PWP1: variants seen among roughly 807,000 people sequenced by gnomAD.
PWP1 encodes the protein PWP1 homolog, endonuclein, also known as periodic tryptophan protein 1 homolog.
Under a neutral mutation model 69.9 loss-of-function variants are expected in PWP1, and 47 were observed. The observed-to-expected ratio is 0.67, with a 90% CI of 0.53 to 0.86. The LOEUF (loss-of-function observed/expected upper bound fraction) is 0.86. PWP1 is among the 40% of genes least tolerant of loss of function. The pLI is 0.00. For missense variants in PWP1, 551 were observed against 608.8 expected (o/e 0.91, Z 1.00); for synonymous variants, 222 against 208.2 (o/e 1.07, Z -0.57).
rs1261719492 is a variant in PWP1 at position 107,709,212 on chromosome 12, C to A, written c.1270C>A (p.His424Asn). The change falls in exon 13 of 15, where the codon CAT becomes AAT. Residue 424 changes from histidine (H) to asparagine (N), a missense_variant. Coordinates refer to ENST00000412830, the MANE Select transcript of PWP1 (RefSeq NM_007062.3). Reference protein sequence around the residue: ...DILGDRPSLVHSRDMKMGVLF... With the variant: ...DILGDRPSLVNSRDMKMGVLF... Reference sequence around the variant, plus strand: ...CTTAGGAGATAGGCCAAGTCTAGTTCATTCTAGGGACATGAAAATGGTAAG... The same window carrying A: ...CTTAGGAGATAGGCCAAGTCTAGTTAATTCTAGGGACATGAAAATGGTAAG... The A allele has an allele frequency of 3.1e-6, 5 of 1,613,580 alleles. No individual in the cohort carries two copies. In the African/African-American group the frequency reaches 5.3e-5, roughly 17 times the overall value.
intron 11 of PWP1, among the ~76,000 whole-genome samples, chr12:107,707,232 T>C (rs1889841619): frequency 6.6e-6 from 1 of 152,208 alleles, no homozygotes; most frequent in Non-Finnish European, 1.5e-5. Flanking sequence ...CTTGTGATTT[T>C]TGCACATTGA....
intron 11 of PWP1, among the ~76,000 whole-genome samples, chr12:107,705,846 CACATATGCACATACGTGT>C (rs142712012): frequency 0.18 from 28,023 of 151,840 alleles, 3,593 homozygotes; most frequent in East Asian, 0.53. Flanking sequence ...TATGTATGTG[CACATATGCACATACGTGT>C]GCATGTGTCT....
At chr12:107,707,924 TA>T (rs748276050) in intron 11 of PWP1, among the ~76,000 whole-genome samples, 24 of 152,248 alleles carry the variant, frequency 1.6e-4, no homozygotes, top group Non-Finnish European at 2.5e-4. Context: ...TAAAATGAGT[TA>T]GGGGGGAAAG....
rs533286520 is a variant in PWP1, at chr12:107,696,901, T to TCACA, written c.613+317_613+318insCACA. On this transcript the variant is annotated intron_variant, in intron 6 of 14. Coordinates refer to ENST00000412830, the MANE Select transcript of PWP1 (RefSeq NM_007062.3). ...TATAAATGGCCTGATATGTGAGATG[T>TCACA]TACCAGCTAGAGTTCAGTGGCATAA... Among the ~76,000 whole-genome samples, 130 of 152,276 alleles carry TCACA rather than the reference T, an allele frequency of 8.5e-4. 3 individuals carry two copies. The South Asian group carries it at 0.027, about 31-fold the overall frequency.
intron 8 of PWP1, among the ~76,000 whole-genome samples, chr12:107,700,978 C>T (rs1355556721): frequency 6.6e-6 from 1 of 152,190 alleles, no homozygotes; most frequent in Non-Finnish European, 1.5e-5. Flanking sequence ...AATCCCCCCG[C>T]CTCAGCTTCC....
intron 8 of PWP1, among the ~76,000 whole-genome samples, chr12:107,700,154 T>C (rs1317706035): frequency 6.6e-6 from 1 of 152,184 alleles, no homozygotes; most frequent in South Asian, 2.1e-4. Context: ...ACATGGGAAT[T>C]ATGGGAGCTA....
chr12:107,704,958 G>A (rs570811911), intron 11 of PWP1, among the ~76,000 whole-genome samples: 8 of 152,038 alleles, frequency 5.3e-5, no homozygotes, highest in East Asian at 3.9e-4. Flanking sequence ...GCTGGTTGCC[G>A]GCCATTCCAA....
At chr12:107,712,076 T>C (rs765454711) in intron 14 of PWP1, 35 bp from the exon 15 acceptor site, 6 of 1,526,040 alleles carry the variant, frequency 3.9e-6, no homozygotes, top group Middle Eastern at 1.7e-4. Flanking sequence ...AATTTCCTGA[T>C]CTGTTAGTTT....
chr12:107,695,408 T>C (rs1223586179), intron 5 of PWP1, among the ~76,000 whole-genome samples: 1 of 152,252 alleles, frequency 6.6e-6, no homozygotes, highest in East Asian at 1.9e-4. Context: ...TACACAAATC[T>C]GCTAATCCCA....
chr12:107,709,101 C>A lies in PWP1; in HGVS notation c.1169-10C>A. The A allele has an allele frequency of 6.2e-7, 1 of 1,613,844 alleles. No individual in the cohort carries two copies. The highest frequency in any genetic ancestry group is 1.1e-5 in the South Asian group (1 of 91,068). ...TCAAAGCGAAAGTGTCTAAACTTAT[C>A]TTCCTTTAGGTCTTGATCTTAGCAG... On this transcript the variant is annotated splice_polypyrimidine_tract_variant and intron_variant, in intron 12 of 14. Coordinates refer to ENST00000412830, the MANE Select transcript of PWP1 (RefSeq NM_007062.3).
At chr12:107,701,587 GA>G (rs547626721) in intron 8 of PWP1, among the ~76,000 whole-genome samples, 11 of 152,250 alleles carry the variant, frequency 7.2e-5, no homozygotes, top group African/African-American at 2.6e-4. Context: ...TGAAGTCTAT[GA>G]TCCATTTTGA....
At chr12:107,709,255 G>GT in intron 13 of PWP1, 23 bp downstream of exon 13, 1 of 1,606,332 alleles carries the variant, frequency 6.2e-7, no homozygotes, top group Non-Finnish European at 8.5e-7. Flanking sequence ...CTGGGTATCT[G>GT]TTTTTTATTT....
intron 9 of PWP1, among the ~76,000 whole-genome samples, 194 bp from the exon 10 acceptor site, chr12:107,703,491 C>T (rs1278785641): frequency 1.3e-5 from 2 of 152,164 alleles, no homozygotes; most frequent in Non-Finnish European, 2.9e-5. Context: ...ACTACATTTT[C>T]TTTAAGTGCC....
At chr12:107,707,927 G>T (rs1174509971) in intron 11 of PWP1, among the ~76,000 whole-genome samples, 4 of 152,092 alleles carry the variant, frequency 2.6e-5, no homozygotes, top group Non-Finnish European at 5.9e-5. Flanking sequence ...AATGAGTTAG[G>T]GGGGAAAGAG....
intron 11 of PWP1, 30 bp from the exon 12 acceptor site, chr12:107,708,896 A>G (rs1384719067): frequency 1.3e-6 from 2 of 1,592,448 alleles, no homozygotes; most frequent in African/African-American, 2.7e-5. Flanking sequence ...GTGACGTAGC[A>G]TGACCTTGCC....
intron 11 of PWP1, among the ~76,000 whole-genome samples, chr12:107,705,167 T>C (rs1443077200): frequency 6.6e-6 from 1 of 151,922 alleles, no homozygotes; most frequent in African/African-American, 2.4e-5. Flanking sequence ...ATCTCCCAAA[T>C]AGGAAAAAAA....
rs1374859699 is a variant in PWP1, at chr12:107,712,849, G to A, written c.*629G>A. 1.3e-5 allele frequency: 2 copies of A among 152,188 alleles called. No individual in the cohort carries two copies. The highest frequency in any genetic ancestry group is 4.8e-5 in the African/African-American group (2 of 41,452). 9.4% of individuals were successfully genotyped at this position (152,188 alleles called of 1,614,324 possible). A position where few individuals can be genotyped will look rare whatever the true frequency, so the allele number is the denominator to read the frequency against. On this transcript the variant is annotated 3_prime_UTR_variant, in exon 15 of 15. Transcript: ENST00000412830. ...TGTGCCTAGTGCTATACAAGGCATGGGAGATTCAGTGTGAATAAGTCTTTG... is the reference window on the plus strand; with the variant it reads ...TGTGCCTAGTGCTATACAAGGCATGAGAGATTCAGTGTGAATAAGTCTTTG...
At chr12:107,709,354 G>A in intron 13 of PWP1, 122 bp downstream of exon 13, 1 of 1,286,270 alleles carries the variant, frequency 7.8e-7, no homozygotes, top group Admixed American at 2.3e-5. Context: ...GATGTGTTGG[G>A]GAAGTGAATT....
intron 1 of PWP1, among the ~76,000 whole-genome samples, chr12:107,687,733 T>C (rs934550149): frequency 6.6e-6 from 1 of 151,952 alleles, no homozygotes; most frequent in Admixed American, 6.6e-5. Context: ...GCCACATCTC[T>C]TAAAAATTAA....
Sources: gnomAD v4.1 joint callset for allele counts (sites outside exome capture counted in the v4.1 genomes callset) on GRCh38, gnomAD v4.1.1 for gene constraint, MANE v1.5 for transcripts, NCBI Gene and HGNC (gene_info 2026-07-23, HGNC 2026-07-21) for gene names.